The following SPAM1 variants were observed in gnomAD, a reference collection of about 807,000 sequenced individuals.
SPAM1 encodes hyaluronidase PH-20.
In SPAM1, 22 loss-of-function variants were observed where a neutral mutation model predicts 29.6. That is an observed-to-expected ratio of 0.74 (90% CI 0.53 to 1.06). The LOEUF is 1.06. SPAM1 is among the 50% of genes least tolerant of loss of function. The probability of loss-of-function intolerance (pLI) is 0.00; values close to 1 mark genes in which losing one functional copy is unlikely to be tolerated. For synonymous variants in SPAM1, 194 were observed against 204.6 expected (o/e 0.95, Z 0.44); for missense variants, 534 against 604.0 (o/e 0.88, Z 1.21).
chr7:123,970,697 C>A (rs1379095037), intron 6 of SPAM1, among the ~76,000 whole-genome samples: 2 of 151,334 alleles, frequency 1.3e-5, no homozygotes, highest in African/African-American at 4.9e-5. Context: ...ATAACAAAAT[C>A]AGTACCCTTA....
At chr7:123,969,923 C>T (rs1172430298) in intron 5 of SPAM1, among the ~76,000 whole-genome samples, 1 of 152,026 alleles carries the variant, frequency 6.6e-6, no homozygotes, top group African/African-American at 2.4e-5. Context: ...GGTGAAGGCA[C>T]TGAAAACTTG....
chr7:123,939,429 C>T (rs1478037490), intron 1 of SPAM1, among the ~76,000 whole-genome samples: 1 of 152,014 alleles, frequency 6.6e-6, no homozygotes, highest in Non-Finnish European at 1.5e-5. Flanking sequence ...TATCTGGGTG[C>T]GTCAGCCTTA....
At chr7:123,970,135 C>G (rs976103297) in intron 5 of SPAM1, 5 of 1,524,082 alleles carry the variant, frequency 3.3e-6, no homozygotes, top group Non-Finnish European at 4.4e-6. Context: ...GATGCTATAA[C>G]AAAGTGCCAC....
chr7:123,930,141 A>G (rs1584945646), intron 1 of SPAM1, among the ~76,000 whole-genome samples: 1 of 152,226 alleles, frequency 6.6e-6, no homozygotes. Flanking sequence ...GGAATCCCTA[A>G]GCCTAGCCAA....
chr7:123,951,168 A>G (rs1180498416), intron 2 of SPAM1, among the ~76,000 whole-genome samples: 1 of 152,056 alleles, frequency 6.6e-6, no homozygotes, highest in East Asian at 1.9e-4. Context: ...ATCCTTTGTC[A>G]TAGGCACAAT....
At chr7:123,971,230 A>G (rs1792495192) in exon 7 of SPAM1, 1 of 152,162 alleles carries the variant, frequency 6.6e-6, no homozygotes, top group South Asian at 2.1e-4. Context: ...AGATTATAAG[A>G]AAAATTATGT....
chr7:123,960,790 C>G (rs899389931), downstream of SPAM1, among the ~76,000 whole-genome samples: 2 of 151,602 alleles, frequency 1.3e-5, no homozygotes, highest in African/African-American at 4.8e-5. Flanking sequence ...TGCGGCATTA[C>G]ATTTTCCGTG....
intron 1 of SPAM1, among the ~76,000 whole-genome samples, chr7:123,930,668 A>T (rs1301874460): frequency 2.6e-5 from 4 of 152,196 alleles, no homozygotes; most frequent in Non-Finnish European, 4.4e-5. Context: ...CAAAGCAACA[A>T]GGGTAGAGAA....
At chr7:123,944,458 C>A (rs1292450464) in intron 1 of SPAM1, among the ~76,000 whole-genome samples, 3 of 152,068 alleles carry the variant, frequency 2.0e-5, no homozygotes, top group East Asian at 3.9e-4. Context: ...AATAATGACA[C>A]AGAAATTATT....
downstream of SPAM1, among the ~76,000 whole-genome samples, chr7:123,960,930 A>T (rs1031142110): frequency 6.6e-6 from 1 of 151,910 alleles, no homozygotes; most frequent in Non-Finnish European, 1.5e-5. Flanking sequence ...TGCATTTTTT[A>T]AAAATTAAAA....
downstream of SPAM1, among the ~76,000 whole-genome samples, chr7:123,962,108 C>T (rs1272358498): frequency 6.6e-6 from 1 of 151,794 alleles, no homozygotes; most frequent in Non-Finnish European, 1.5e-5. Context: ...AACCTCCATA[C>T]TGTTTTTCAT....
chr7:123,953,539 A>C lies in SPAM1; in HGVS notation c.-32A>C. 7.0e-7 allele frequency: 1 copy of C among 1,423,090 alleles called. No homozygotes were observed. Among genetic ancestry groups the C allele is most frequent in the Non-Finnish European group, 9.6e-7 (1 of 1,042,688 alleles). The allele number at this position is 1,423,090 out of a possible 1,614,324, so 88.2% of individuals were successfully genotyped here. On this transcript the variant is annotated 5_prime_UTR_variant, in exon 3 of 5. Transcript: ENST00000682466. ...GGGTAAACCAAAGTGTGTAGGAAGA[A>C]ATAAATGTTTTCATAGTCATTACTC...
At chr7:123,956,330 T>C (rs896586164) in intron 4 of SPAM1, among the ~76,000 whole-genome samples, 2 of 152,066 alleles carry the variant, frequency 1.3e-5, no homozygotes, top group African/African-American at 4.8e-5. Context: ...TCATTTTAAA[T>C]AATAGATCTA....
At position 123,968,504 on chromosome 7, in the gene SPAM1, C is replaced by T. The variant is rs905018809; in HGVS notation, c.1486-1694C>T. On this transcript the variant is annotated intron_variant, in intron 5 of 6. Coordinates refer to the SPAM1 transcript ENST00000340011. ...AAGTTCCTTGTTAGGACAATGTCAT[C>T]GAGTCTTGAGAAAGGAGCACAGGTG... Among the ~76,000 whole-genome samples, 12 of 151,876 alleles carry T rather than the reference C, an allele frequency of 7.9e-5. 1 individual carries two copies. The highest frequency in any genetic ancestry group is 4.1e-4 in the South Asian group (2 of 4,826).
intron 5 of SPAM1, among the ~76,000 whole-genome samples, chr7:123,968,786 A>C (rs1792461689): frequency 6.6e-6 from 1 of 152,050 alleles, no homozygotes; most frequent in African/African-American, 2.4e-5. Context: ...AGCAGGTTAC[A>C]TAACTTGTCC....
rs868194697 is a variant in SPAM1, at chr7:123,953,684, C to G, written c.114C>G (p.Phe38Leu). 16 of 1,613,242 alleles carry G rather than the reference C, an allele frequency of 9.9e-6. No individual in the cohort carries two copies. The highest frequency in any genetic ancestry group is 1.4e-5 in the Non-Finnish European group (16 of 1,179,620). The change falls in exon 3 of 5, where the codon TTC becomes TTG. Residue 38 changes from phenylalanine to leucine, a missense_variant. By Grantham distance (22) the Phe-to-Leu change is conservative. Coordinates refer to ENST00000682466, the MANE Select transcript of SPAM1 (RefSeq NM_153189.3). ...LLIPCCLTLN[F>L]RAPPVIPNVP... ...TTCCATGTTGCTTGACTCTGAATTT[C>G]AGAGCACCTCCTGTTATTCCAAATG...
At chr7:123,955,244 G>A (rs1166744794) in intron 4 of SPAM1, among the ~76,000 whole-genome samples, 158 bp downstream of exon 4, 2 of 151,856 alleles carry the variant, frequency 1.3e-5, no homozygotes, top group African/African-American at 2.4e-5. Context: ...TTTGTGTGGT[G>A]GTTGTAAGGC....
chr7:123,929,553 G>A (rs1808002344), intron 1 of SPAM1, among the ~76,000 whole-genome samples: 1 of 152,088 alleles, frequency 6.6e-6, no homozygotes, highest in Non-Finnish European at 1.5e-5. Flanking sequence ...TTTGGGGGTG[G>A]GGTGGGGTGT....
At chr7:123,962,294 A>G (rs1279718695), downstream of SPAM1, among the ~76,000 whole-genome samples, 1 of 151,440 alleles carries the variant, frequency 6.6e-6, no homozygotes, top group Non-Finnish European at 1.5e-5. Context: ...TTTTTCATAG[A>G]CCCCTTGGTC....
Sources: gnomAD v4.1 joint callset for allele counts (sites outside exome capture counted in the v4.1 genomes callset) on GRCh38, gnomAD v4.1.1 for gene constraint, MANE v1.5 for transcripts, NCBI Gene and HGNC (gene_info 2026-07-23, HGNC 2026-07-21) for gene names.